The following GNAQ variants were observed in gnomAD, a reference collection of about 807,000 sequenced individuals.
The protein encoded by GNAQ is guanine nucleotide-binding protein G(q) subunit alpha.
A neutral mutation model predicts 43.9 loss-of-function variants in GNAQ; 8 were observed. The ratio of observed to expected loss-of-function variants is 0.18; its 90% confidence interval spans 0.11 to 0.33. GNAQ has a LOEUF of 0.33. Among genes scored for constraint, GNAQ ranks in the 10% least tolerant of loss-of-function variants. GNAQ has a pLI of 1.00. For missense variants in GNAQ, 158 were observed against 450.8 expected (o/e 0.35, Z 5.88); for synonymous variants, 155 against 170.7 (o/e 0.91, Z 0.71).
intron 2 of GNAQ, among the ~76,000 whole-genome samples, chr9:77,838,488 T>A (rs1827430339): frequency 6.6e-6 from 1 of 151,936 alleles, no homozygotes; most frequent in East Asian, 1.9e-4. Flanking sequence ...TTCAGTTTTG[T>A]GTTATGAAAT....
intron 5 of GNAQ, among the ~76,000 whole-genome samples, chr9:77,764,863 T>C (rs1826109510): frequency 6.6e-6 from 1 of 152,196 alleles, no homozygotes; most frequent in African/African-American, 2.4e-5. Flanking sequence ...GTGTGTGATC[T>C]TGGGGAAGTC....
intron 2 of GNAQ, among the ~76,000 whole-genome samples, chr9:77,829,920 T>C (rs1460348024): frequency 6.6e-6 from 1 of 152,044 alleles, no homozygotes; most frequent in Non-Finnish European, 1.5e-5. Flanking sequence ...CCATTGAACA[T>C]TGTGATTTAA....
chr9:77,764,904 T>C (rs369779422), intron 5 of GNAQ, among the ~76,000 whole-genome samples: 1 of 152,208 alleles, frequency 6.6e-6, no homozygotes, highest in African/African-American at 2.4e-5. Flanking sequence ...AGTTTTCTCA[T>C]TTTACAAGGA....
At chr9:77,830,370 T>C (rs765438965) in intron 2 of GNAQ, among the ~76,000 whole-genome samples, 2 of 152,102 alleles carry the variant, frequency 1.3e-5, no homozygotes, top group East Asian at 1.9e-4. Flanking sequence ...AACCTATGCA[T>C]ATAACCTGAG....
chr9:77,990,978 T>C (rs1823500301), intron 1 of GNAQ, among the ~76,000 whole-genome samples: 4 of 152,170 alleles, frequency 2.6e-5, no homozygotes, highest in African/African-American at 9.7e-5. Context: ...CAAATAAAAT[T>C]CCCTCAAAAT....
chr9:77,949,709 G>C (rs1822953346), intron 1 of GNAQ, among the ~76,000 whole-genome samples: 1 of 152,182 alleles, frequency 6.6e-6, no homozygotes, highest in Non-Finnish European at 1.5e-5. Flanking sequence ...AGGTCTACCA[G>C]AGCTGGGAGC....
intron 5 of GNAQ, among the ~76,000 whole-genome samples, chr9:77,784,533 A>G (rs1298754581): frequency 6.6e-6 from 1 of 152,224 alleles, no homozygotes; most frequent in African/African-American, 2.4e-5. Context: ...CAGATAATAT[A>G]ATTGAAAAAC....
chr9:77,739,328 T>G (rs967827230), intron 5 of GNAQ, among the ~76,000 whole-genome samples: 2 of 152,206 alleles, frequency 1.3e-5, no homozygotes, highest in Admixed American at 1.3e-4. Flanking sequence ...TATTTTCTCT[T>G]TTCGAGAATT....
At chr9:77,742,505 CA>C (rs1825668769) in intron 5 of GNAQ, among the ~76,000 whole-genome samples, 1 of 151,266 alleles carries the variant, frequency 6.6e-6, no homozygotes, top group South Asian at 2.1e-4. Flanking sequence ...AATAATTTTT[CA>C]ACATTTTAAA....
intron 1 of GNAQ, among the ~76,000 whole-genome samples, chr9:77,993,437 G>A (rs182644102): frequency 2.6e-5 from 4 of 152,104 alleles, no homozygotes; most frequent in Non-Finnish European, 4.4e-5. Context: ...GGTGGCTCAC[G>A]CCTGTAATCC....
At position 77,719,346 on chromosome 9, in the gene GNAQ, A is replaced by G; in HGVS notation, c.*1977T>C. 1 of 232,828 alleles carries G rather than the reference A, an allele frequency of 4.3e-6. No homozygotes were observed. The allele number at this position is 232,828 out of a possible 1,614,324, so 14.4% of individuals were successfully genotyped here. ...AGTATGGATGCTGCAATATCAAGAG[A>G]GATGTATGTACAATGATTAGAGCAT... On this transcript the variant is annotated 3_prime_UTR_variant, in exon 7 of 7. Coordinates refer to ENST00000286548, the MANE Select transcript of GNAQ (RefSeq NM_002072.5).
At chr9:77,827,385 A>C (rs5022777) in intron 2 of GNAQ, among the ~76,000 whole-genome samples, 63,298 of 135,056 alleles carry the variant, frequency 0.47, 14,576 homozygotes, top group Middle Eastern at 0.62. Context: ...TAAATAACTA[A>C]AAAAAAAAAA....
intron 5 of GNAQ, among the ~76,000 whole-genome samples, chr9:77,729,696 C>T (rs953533379): frequency 6.6e-6 from 1 of 152,176 alleles, no homozygotes; most frequent in African/African-American, 2.4e-5. Flanking sequence ...CTTCATCCTG[C>T]ACACACTTTC....
intron 5 of GNAQ, among the ~76,000 whole-genome samples, chr9:77,794,157 G>A (rs1826621021): frequency 6.6e-6 from 1 of 152,098 alleles, no homozygotes; most frequent in Non-Finnish European, 1.5e-5. Flanking sequence ...CTATCCTGTA[G>A]GAGGAAGACT....
rs562679445 is a variant in GNAQ, at chr9:77,718,002, A to G, written c.*3321T>C. 1.5e-4 allele frequency: 35 copies of G among 232,936 alleles called. No homozygotes were observed. In the Admixed American group the frequency reaches 1.6e-3, roughly 11 times the overall value. The allele number at this position is 232,936 out of a possible 1,614,324, so 14.4% of individuals were successfully genotyped here. A position where few individuals can be genotyped will look rare whatever the true frequency, so the allele number is the denominator to read the frequency against. The stretch of plus-strand genomic sequence containing the variant: ...GGCATAGTAGAAACTTCCAATTTAC[A>G]AATAAGGAATTCTCTGGGGGTTAGA... On this transcript the variant is annotated 3_prime_UTR_variant, in exon 7 of 7. Coordinates refer to ENST00000286548, the MANE Select transcript of GNAQ (RefSeq NM_002072.5).
At chr9:77,903,896 C>T (rs1447095639) in intron 2 of GNAQ, among the ~76,000 whole-genome samples, 1 of 151,468 alleles carries the variant, frequency 6.6e-6, no homozygotes, top group African/African-American at 2.4e-5. Flanking sequence ...ACCTGACAGC[C>T]AGGCTACACA....
intron 1 of GNAQ, among the ~76,000 whole-genome samples, chr9:77,929,759 G>A (rs1456920851): frequency 6.6e-6 from 1 of 152,158 alleles, no homozygotes; most frequent in Non-Finnish European, 1.5e-5. Context: ...GAACCCAAGA[G>A]GCGAAAGCTG....
intron 3 of GNAQ, among the ~76,000 whole-genome samples, chr9:77,805,999 A>T (rs988967004): frequency 2.6e-5 from 4 of 152,202 alleles, no homozygotes; most frequent in Non-Finnish European, 5.9e-5. Context: ...CACTAGTGCC[A>T]AATAGGAAAA....
intron 2 of GNAQ, among the ~76,000 whole-genome samples, chr9:77,891,906 G>A (rs556447254): frequency 6.6e-6 from 1 of 152,222 alleles, no homozygotes; most frequent in African/African-American, 2.4e-5. Flanking sequence ...TTGAACTACA[G>A]CTTTGAAGCC....
Sources: gnomAD v4.1 joint callset for allele counts (sites outside exome capture counted in the v4.1 genomes callset) on GRCh38, gnomAD v4.1.1 for gene constraint, MANE v1.5 for transcripts, NCBI Gene and HGNC (gene_info 2026-07-23, HGNC 2026-07-21) for gene names.